Variants in FBXO4 observed in about 807,000 individuals in gnomAD.
FBXO4 encodes F-box only protein 4.
A neutral mutation model predicts 43.7 loss-of-function variants in FBXO4; 36 were observed. That is an observed-to-expected ratio of 0.82 (90% CI 0.63 to 1.09). FBXO4 has a LOEUF of 1.09. Ranked by LOEUF, FBXO4 falls within the 50% of genes least tolerant of loss-of-function variation. FBXO4 has a pLI of 0.00. For synonymous variants in FBXO4, 180 were observed against 165.6 expected, an observed-to-expected ratio of 1.09 and a Z score of -0.67; for missense variants, 435 against 474.1, an observed-to-expected ratio of 0.92 and a Z score of 0.77.
the FBXO4 span, among the ~76,000 whole-genome samples, chr5:41,962,034 A>G: frequency 6.6e-6 from 1 of 152,258 alleles, no homozygotes; most frequent in Admixed American, 6.5e-5. Flanking sequence ...CTCTGTTGCC[A>G]CAGACTCTTT....
chr5:42,010,191 T>C, the FBXO4 span, among the ~76,000 whole-genome samples: 109 of 152,156 alleles, frequency 7.2e-4, no homozygotes, highest in Admixed American at 1.8e-3. Context: ...ATCTATGCTG[T>C]AGCATGTCAG....
At chr5:42,035,311 T>C in the FBXO4 span, among the ~76,000 whole-genome samples, 1 of 152,140 alleles carries the variant, frequency 6.6e-6, no homozygotes, top group Admixed American at 6.6e-5. Flanking sequence ...GAATACGCTT[T>C]ATTTCTTTCT....
intron 2 of FBXO4, 67 bp from the exon 3 acceptor site, chr5:41,929,630 A>G (rs1345077357): frequency 2.5e-6 from 3 of 1,178,430 alleles, no homozygotes; most frequent in East Asian, 2.4e-5. Flanking sequence ...TCAATAAATT[A>G]TATATTTTTG....
the FBXO4 span, among the ~76,000 whole-genome samples, chr5:41,995,521 C>T: frequency 3.9e-5 from 6 of 152,292 alleles, no homozygotes; most frequent in South Asian, 2.1e-4. Flanking sequence ...TGAGCCCATG[C>T]GCAACCTCTA....
the FBXO4 span, among the ~76,000 whole-genome samples, chr5:42,033,026 T>C: frequency 6.6e-6 from 1 of 152,108 alleles, no homozygotes; most frequent in East Asian, 1.9e-4. Context: ...TAAAAATGCC[T>C]GGAATGGGGC....
the FBXO4 span, among the ~76,000 whole-genome samples, chr5:42,008,736 T>G: frequency 5.4e-3 from 823 of 152,330 alleles, 11 homozygotes; most frequent in African/African-American, 0.018. Context: ...TTTGCTTGAA[T>G]TTTTAATGTG....
the FBXO4 span, among the ~76,000 whole-genome samples, chr5:42,024,860 A>G: frequency 6.6e-6 from 1 of 151,748 alleles, no homozygotes; most frequent in African/African-American, 2.4e-5. Flanking sequence ...TTCCATCCAT[A>G]TTGTTGCAAA....
At chr5:42,031,054 T>A in the FBXO4 span, among the ~76,000 whole-genome samples, 3,822 of 152,262 alleles carry the variant, frequency 0.025, 176 homozygotes, top group African/African-American at 0.087. Flanking sequence ...GTGTGGCAAT[T>A]CCTCAGGGAT....
chr5:42,001,531 C>A, the FBXO4 span, among the ~76,000 whole-genome samples: 1 of 152,164 alleles, frequency 6.6e-6, no homozygotes, highest in African/African-American at 2.4e-5. Flanking sequence ...CATGCCTGGC[C>A]AATGTCTTTC....
chr5:41,996,863 C>T, the FBXO4 span, among the ~76,000 whole-genome samples: 1 of 152,284 alleles, frequency 6.6e-6, no homozygotes, highest in African/African-American at 2.4e-5. Context: ...GATTTATTTC[C>T]CATCCTCTGG....
chr5:41,932,974 A>G (rs1364278850), intron 3 of FBXO4, among the ~76,000 whole-genome samples: 1 of 152,184 alleles, frequency 6.6e-6, no homozygotes, highest in African/African-American at 2.4e-5. Context: ...TAAGAAGCTA[A>G]TATTTAGCAC....
the FBXO4 span, among the ~76,000 whole-genome samples, chr5:41,956,780 T>C: frequency 6.6e-6 from 1 of 151,292 alleles, no homozygotes; most frequent in East Asian, 1.9e-4. Context: ...TGGCGAGATC[T>C]CAGCCCATTG....
At position 41,929,698 on chromosome 5, in the gene FBXO4, T is replaced by C. The variant is rs1200011874; in HGVS notation, c.427T>C (p.Tyr143His). The change falls in exon 3 of 7, where the codon TAT (tyrosine) becomes CAT (histidine). Residue 143 changes from tyrosine (Y) to histidine (H), a missense_variant and splice_region_variant. By Grantham distance (83) the Tyr-to-His change is moderately conservative. Transcript: ENST00000281623. Reference protein sequence around the residue: ...DGAFFDYMAVYRMCCPYTRRA... With the variant: ...DGAFFDYMAVHRMCCPYTRRA... ...TCTAATTGTGACAATTTTTTACAGC[T>C]ATAGAATGTGCTGTCCATACACAAG... 2 of 1,595,796 alleles carry C rather than the reference T, an allele frequency of 1.3e-6. No individual in the cohort carries two copies. Among genetic ancestry groups the C allele is most frequent in the Non-Finnish European group, 1.7e-6 (2 of 1,173,126 alleles).
At chr5:41,956,955 A>G in the FBXO4 span, among the ~76,000 whole-genome samples, 1 of 151,064 alleles carries the variant, frequency 6.6e-6, no homozygotes, top group African/African-American at 2.4e-5. Context: ...TAGGTGATCC[A>G]CCTGCCTCAG....
chr5:42,011,366 G>C, the FBXO4 span, among the ~76,000 whole-genome samples: 243 of 152,298 alleles, frequency 1.6e-3, 1 homozygote, highest in African/African-American at 5.2e-3. Context: ...CTCATGTTTG[G>C]TCTCTTCTCT....
At chr5:41,942,019 A>T (rs1752013228), downstream of FBXO4, among the ~76,000 whole-genome samples, 1 of 152,030 alleles carries the variant, frequency 6.6e-6, no homozygotes, top group Non-Finnish European at 1.5e-5. Flanking sequence ...CTAATATCTC[A>T]CTGGAACTCA....
the FBXO4 span, among the ~76,000 whole-genome samples, chr5:42,029,296 A>G: frequency 7.2e-5 from 11 of 152,202 alleles, no homozygotes; most frequent in Middle Eastern, 3.4e-3. Flanking sequence ...GTTTTTACTG[A>G]AAAATCTGCT....
At chr5:42,013,261 C>G in the FBXO4 span, among the ~76,000 whole-genome samples, 78 of 152,234 alleles carry the variant, frequency 5.1e-4, no homozygotes, top group East Asian at 8.5e-3. Flanking sequence ...GCCTGGGCAA[C>G]AGAGTGAGGC....
At chr5:41,995,751 C>T in the FBXO4 span, among the ~76,000 whole-genome samples, 1 of 152,176 alleles carries the variant, frequency 6.6e-6, no homozygotes, top group Non-Finnish European at 1.5e-5. Flanking sequence ...ACCTCTTCCC[C>T]TTTCTTTGTC....
Sources: allele counts gnomAD v4.1 joint callset (sites outside exome capture counted in the v4.1 genomes callset), GRCh38; gene constraint gnomAD v4.1.1; transcripts MANE v1.5; gene names NCBI Gene and HGNC (gene_info 2026-07-23, HGNC 2026-07-21).